The following AGO2 variants were observed in gnomAD, a reference collection of about 807,000 sequenced individuals.
The protein encoded by AGO2 is protein argonaute-2.
A neutral mutation model predicts 102.3 loss-of-function variants in AGO2; 5 were observed. That is an observed-to-expected ratio of 0.05 (90% CI 0.03 to 0.10). AGO2 has a LOEUF of 0.10. Among genes scored for constraint, AGO2 ranks in the 10% least tolerant of loss-of-function variants. The probability of loss-of-function intolerance (pLI) is 1.00; values close to 1 mark genes in which losing one functional copy is unlikely to be tolerated. For missense variants in AGO2, 541 were observed against 1,183.7 expected (o/e 0.46, Z 7.97); for synonymous variants, 449 against 473.1 (o/e 0.95, Z 0.66).
At chr8:140,633,745 G>A (rs1462971004) in intron 1 of AGO2, among the ~76,000 whole-genome samples, 1 of 152,196 alleles carries the variant, frequency 6.6e-6, no homozygotes, top group Non-Finnish European at 1.5e-5. Context: ...GAACCAGCTC[G>A]GAAGTCGGAC....
intron 1 of AGO2, among the ~76,000 whole-genome samples, chr8:140,613,405 C>A: frequency 6.6e-6 from 1 of 152,166 alleles, no homozygotes; most frequent in East Asian, 1.9e-4. Flanking sequence ...AATATAATGA[C>A]ATGTTGTTGT....
chr8:140,635,378 A>G, intron 1 of AGO2, 107 bp downstream of exon 1: 2 of 572,082 alleles, frequency 3.5e-6, no homozygotes, highest in South Asian at 7.8e-5. Context: ...CGCCGCCCCG[A>G]CCCCGCGGCC....
At position 140,522,986 on chromosome 8, in the gene AGO2, G is replaced by A. The variant is rs1228950568; in HGVS notation, c.*9058C>T. On this transcript the variant is annotated 3_prime_UTR_variant, in exon 19 of 19. Coordinates refer to ENST00000220592, the MANE Select transcript of AGO2 (RefSeq NM_012154.5). ...ATTCAACTAAAGACAATGACATGAA[G>A]CCTCAGAATTGTATTTAGCAGGTAC... 5 of 152,278 alleles carry A rather than the reference G, an allele frequency of 3.3e-5. No homozygotes were observed. In the South Asian group the frequency reaches 1.0e-3, roughly 32 times the overall value. 9.4% of individuals were successfully genotyped at this position (152,278 alleles called of 1,614,324 possible).
intron 1 of AGO2, among the ~76,000 whole-genome samples, chr8:140,590,464 C>T (rs138258160): frequency 3.9e-5 from 6 of 152,328 alleles, no homozygotes; most frequent in South Asian, 2.1e-4. Flanking sequence ...CATCCAAATA[C>T]GGATACCAAG....
Position 140,540,074 on chromosome 8 carries a change from G to A in AGO2, c.2035-620C>T, listed in dbSNP as rs1008061155. On this transcript the variant is annotated intron_variant, in intron 15 of 18. Transcript: ENST00000220592. This position sits in a 1 kb window ranked among gnomAD's most constrained non-coding sequence, Gnocchi z 5.0. The stretch of plus-strand genomic sequence containing the variant: ...CACTGCACTCCAGACTGGAGACAGC[G>A]AGAGTCTTTCTCAAAAAAAACAAAC... 6.6e-6 allele frequency among the ~76,000 whole-genome samples: 1 copy of A among 152,090 alleles called. No individual in the cohort carries two copies. Among genetic ancestry groups the A allele is most frequent in the Admixed American group, 6.5e-5 (1 of 15,284 alleles).
intron 3 of AGO2, among the ~76,000 whole-genome samples, chr8:140,571,953 C>T (rs1203354145): frequency 6.6e-6 from 1 of 152,086 alleles, no homozygotes; most frequent in African/African-American, 2.4e-5. Context: ...AGGCTGGTCT[C>T]GAACTCCTGA....
In AGO2 at chr8:140,594,867, G is replaced by A. The variant is rs560217176; in HGVS notation, c.23-9556C>T. Among the ~76,000 whole-genome samples the A allele has an allele frequency of 1.2e-4, 17 of 146,608 alleles. No homozygotes were observed. In the South Asian group the frequency reaches 3.6e-3, roughly 31 times the overall value. On this transcript the variant is annotated intron_variant, in intron 1 of 18. Transcript: ENST00000220592. ...TGTGTGTGTGTGTATTTCTCTAATT[G>A]CATGACAAACTGGGAAATTTTTATG...
intron 1 of AGO2, among the ~76,000 whole-genome samples, chr8:140,617,609 C>T (rs1334374451): frequency 1.3e-5 from 2 of 152,178 alleles, no homozygotes; most frequent in South Asian, 4.1e-4. Context: ...ATGTCGGTCA[C>T]GCAGCTGGTA....
At chr8:140,562,757 A>G in intron 3 of AGO2, 123 bp from the exon 4 acceptor site, 3 of 1,099,854 alleles carry the variant, frequency 2.7e-6, no homozygotes, top group South Asian at 1.5e-5. Context: ...GCCTCTAGCC[A>G]ACCACTAGCC....
At chr8:140,578,886 T>C (rs571335886) in intron 2 of AGO2, among the ~76,000 whole-genome samples, 22 of 152,394 alleles carry the variant, frequency 1.4e-4, no homozygotes, top group African/African-American at 5.3e-4. Context: ...TCTGCCCCGT[T>C]TGCCTGTTTG....
chr8:140,535,774 C>T (rs181031477), intron 16 of AGO2, among the ~76,000 whole-genome samples: 1 of 152,320 alleles, frequency 6.6e-6, no homozygotes, highest in African/African-American at 2.4e-5. Flanking sequence ...TCCATGTGGG[C>T]TGGGGTTATT....
chr8:140,591,823 G>C (rs1021599012), intron 1 of AGO2: 1 of 152,096 alleles, frequency 6.6e-6, no homozygotes, highest in Non-Finnish European at 1.5e-5. Context: ...AACAATATTA[G>C]AAATACTGTA....
At chr8:140,558,717 C>T (rs890096764) in intron 6 of AGO2, 145 bp from the exon 7 acceptor site, 10 of 786,016 alleles carry the variant, frequency 1.3e-5, no homozygotes, top group Middle Eastern at 3.6e-4. Flanking sequence ...GGGTGACCCA[C>T]AGGTCACCCC....
At chr8:140,634,504 G>A (rs907804174) in intron 1 of AGO2, among the ~76,000 whole-genome samples, 6 of 152,274 alleles carry the variant, frequency 3.9e-5, no homozygotes, top group Admixed American at 3.9e-4. Flanking sequence ...AGAGAGCCAG[G>A]AGCCACGTGC....
At chr8:140,629,359 G>A (rs538906097) in intron 1 of AGO2, among the ~76,000 whole-genome samples, 4 of 151,710 alleles carry the variant, frequency 2.6e-5, no homozygotes, top group Non-Finnish European at 5.9e-5. Flanking sequence ...AGGCGCCCGT[G>A]CCCGGGGCCA....
rs548212017 is a variant in AGO2, at chr8:140,558,061, G to A, written c.878+424C>T. On this transcript the variant is annotated intron_variant, in intron 7 of 18. Transcript: ENST00000220592. ...AAACACCAGTACAACCCAGGACAGC[G>A]GTGCACTCTCACCCCCCACTCCGGC... 7.9e-5 allele frequency among the ~76,000 whole-genome samples: 12 copies of A among 152,306 alleles called. No individual in the cohort carries two copies. In the East Asian group the frequency reaches 1.2e-3, roughly 15 times the overall value.
At chr8:140,536,551 T>G (rs1035128683) in intron 16 of AGO2, among the ~76,000 whole-genome samples, 4 of 152,102 alleles carry the variant, frequency 2.6e-5, no homozygotes, top group African/African-American at 9.7e-5. Flanking sequence ...GGTCTTGAAC[T>G]CCTGACCTCA....
intron 1 of AGO2, among the ~76,000 whole-genome samples, chr8:140,598,141 C>G (rs1317376194): frequency 6.6e-6 from 1 of 152,216 alleles, no homozygotes; most frequent in Non-Finnish European, 1.5e-5. Context: ...AGCAGCTCAG[C>G]CACTGCCGAC....
intron 1 of AGO2, among the ~76,000 whole-genome samples, chr8:140,630,507 G>A (rs570851716): frequency 6.6e-6 from 1 of 152,264 alleles, no homozygotes. Flanking sequence ...CAGCGAACAA[G>A]TGCAGGCCCC....
Sources: gnomAD v4.1 joint callset for allele counts (sites outside exome capture counted in the v4.1 genomes callset) on GRCh38, gnomAD v4.1.1 for gene constraint, Gnocchi (gnomAD v3.1) non-coding constraint, MANE v1.5 for transcripts, NCBI Gene and HGNC (gene_info 2026-07-23, HGNC 2026-07-21) for gene names.